The following GRM5 variants were observed in gnomAD, a reference collection of about 807,000 sequenced individuals.
The protein encoded by GRM5 is glutamate metabotropic receptor 5, also known as metabotropic glutamate receptor 5.
GRM5 carries 19 observed loss-of-function variants against 83.1 expected under a neutral mutation model. That is an observed-to-expected ratio of 0.23 (90% CI 0.16 to 0.34). The LOEUF (loss-of-function observed/expected upper bound fraction) is 0.34, where lower values mean the gene tolerates loss of function less well. Among genes scored for constraint, GRM5 ranks in the 10% least tolerant of loss-of-function variants. The pLI, the probability that GRM5 is intolerant of heterozygous loss-of-function variation, is 1.00. For missense variants in GRM5, 1,160 were observed against 1,588.3 expected (o/e 0.73, Z 4.58); for synonymous variants, 675 against 633.6 (o/e 1.07, Z -0.98).
intron 2 of GRM5, among the ~76,000 whole-genome samples, chr11:88,880,022 T>G (rs1377108694): frequency 6.6e-6 from 1 of 152,076 alleles, no homozygotes; most frequent in African/African-American, 2.4e-5. Flanking sequence ...AGGGAATTTC[T>G]GGAGAAATGC....
At chr11:88,855,544 C>T (rs963471127) in intron 2 of GRM5, among the ~76,000 whole-genome samples, 4 of 151,784 alleles carry the variant, frequency 2.6e-5, no homozygotes, top group Non-Finnish European at 5.9e-5. Context: ...GGATCCTTCA[C>T]CTTTATAACA....
intron 2 of GRM5, among the ~76,000 whole-genome samples, chr11:89,002,521 C>CA: frequency 6.6e-6 from 1 of 152,254 alleles, no homozygotes; most frequent in African/African-American, 2.4e-5. Context: ...AGGTTATCCC[C>CA]TTGGCAACCT....
chr11:88,659,302 A>C (rs1443175629), intron 3 of GRM5, among the ~76,000 whole-genome samples: 1 of 152,198 alleles, frequency 6.6e-6, no homozygotes, highest in Non-Finnish European at 1.5e-5. Flanking sequence ...TGTGATGTTC[A>C]GATTTATCTT....
chr11:89,040,102 G>T (rs1941492998), intron 2 of GRM5, among the ~76,000 whole-genome samples: 1 of 151,932 alleles, frequency 6.6e-6, no homozygotes, highest in Non-Finnish European at 1.5e-5. Flanking sequence ...AGTCTTGAAA[G>T]AAATCTGTAC....
At chr11:88,613,950 T>C (rs1353003741) in intron 4 of GRM5, among the ~76,000 whole-genome samples, 1 of 152,154 alleles carries the variant, frequency 6.6e-6, no homozygotes, top group Non-Finnish European at 1.5e-5. Flanking sequence ...TACCTTTCCC[T>C]ATTTAACATG....
intron 2 of GRM5, among the ~76,000 whole-genome samples, chr11:89,015,624 A>G (rs1208275563): frequency 1.3e-5 from 2 of 152,178 alleles, no homozygotes; most frequent in Non-Finnish European, 2.9e-5. Flanking sequence ...AGAGTGAAAC[A>G]CTTTATTCTG....
intron 4 of GRM5, among the ~76,000 whole-genome samples, chr11:88,636,463 T>C (rs918629968): frequency 4.0e-5 from 6 of 151,772 alleles, no homozygotes; most frequent in African/African-American, 1.5e-4. Flanking sequence ...GGAGGGGAGG[T>C]TGCAGAGAGC....
intron 3 of GRM5, among the ~76,000 whole-genome samples, chr11:88,827,323 T>C (rs2135515962): frequency 6.6e-6 from 1 of 152,306 alleles, no homozygotes; most frequent in African/African-American, 2.4e-5. Context: ...CCAGCACACT[T>C]CATCTTTCTG....
chr11:88,720,075 C>T (rs1941498228), intron 3 of GRM5, among the ~76,000 whole-genome samples: 2 of 151,978 alleles, frequency 1.3e-5, no homozygotes, highest in African/African-American at 4.8e-5. Context: ...GCTTGACTCT[C>T]TTCCCTAAAA....
At chr11:89,011,790 T>G (rs1397867937) in intron 2 of GRM5, among the ~76,000 whole-genome samples, 2 of 152,196 alleles carry the variant, frequency 1.3e-5, no homozygotes, top group African/African-American at 4.8e-5. Flanking sequence ...TTATGTAACC[T>G]TCATGGGATT....
chr11:88,601,282 C>T (rs567422776), intron 5 of GRM5, among the ~76,000 whole-genome samples: 57 of 152,258 alleles, frequency 3.7e-4, no homozygotes, highest in African/African-American at 1.3e-3. Flanking sequence ...CACACAAAGT[C>T]GTTATCTGCC....
At chr11:88,675,861 A>G (rs1367191228) in intron 3 of GRM5, among the ~76,000 whole-genome samples, 1 of 152,076 alleles carries the variant, frequency 6.6e-6, no homozygotes, top group Non-Finnish European at 1.5e-5. Context: ...CAATGTGGCC[A>G]TGTAGAAAGT....
At chr11:88,730,697 G>T (rs1941788407) in intron 3 of GRM5, among the ~76,000 whole-genome samples, 1 of 152,134 alleles carries the variant, frequency 6.6e-6, no homozygotes, top group South Asian at 2.1e-4. Context: ...ATAAAAAAAG[G>T]ATGAGTTCAT....
At chr11:88,861,061 A>G (rs1321293400) in intron 2 of GRM5, among the ~76,000 whole-genome samples, 2 of 152,300 alleles carry the variant, frequency 1.3e-5, no homozygotes, top group East Asian at 3.9e-4. Flanking sequence ...AAAATGTATT[A>G]TTAAATTTAA....
chr11:88,719,352 T>C (rs949892128), intron 3 of GRM5, among the ~76,000 whole-genome samples: 1 of 152,020 alleles, frequency 6.6e-6, no homozygotes, highest in African/African-American at 2.4e-5. Context: ...CTGAGGATAA[T>C]GGCCTCCAGC....
intron 3 of GRM5, among the ~76,000 whole-genome samples, chr11:88,742,194 A>G (rs1942043396): frequency 6.6e-6 from 1 of 151,992 alleles, no homozygotes; most frequent in Non-Finnish European, 1.5e-5. Flanking sequence ...ATCTCTGATC[A>G]TTTCTAATTC....
chr11:88,710,011 T>A (rs971393876), intron 3 of GRM5, among the ~76,000 whole-genome samples: 2 of 152,118 alleles, frequency 1.3e-5, no homozygotes, highest in Admixed American at 6.5e-5. Flanking sequence ...GGGAAAATGC[T>A]GGGTATTCGC....
At chr11:88,793,143 C>T (rs1943208995) in intron 3 of GRM5, among the ~76,000 whole-genome samples, 1 of 152,200 alleles carries the variant, frequency 6.6e-6, no homozygotes, top group East Asian at 1.9e-4. Flanking sequence ...AGAGCAGTTG[C>T]CACCTAACTG....
chr11:88,845,818 G>A (rs1175772702), intron 3 of GRM5, among the ~76,000 whole-genome samples: 1 of 151,870 alleles, frequency 6.6e-6, no homozygotes, highest in Non-Finnish European at 1.5e-5. Context: ...GAAATCAAAC[G>A]CACATTTTCT....
Sources: gnomAD v4.1 joint callset for allele counts (sites outside exome capture counted in the v4.1 genomes callset) on GRCh38, gnomAD v4.1.1 for gene constraint, MANE v1.5 for transcripts, NCBI Gene and HGNC (gene_info 2026-07-23, HGNC 2026-07-21) for gene names.